Variants in MEI1 observed in about 807,000 individuals in gnomAD.
MEI1 encodes the protein meiosis inhibitor protein 1.
MEI1 carries 103 observed loss-of-function variants against 146.2 expected under a neutral mutation model. The observed-to-expected ratio is 0.70, with a 90% CI of 0.60 to 0.83. The LOEUF is 0.83. Among genes scored for constraint, MEI1 ranks in the 40% least tolerant of loss-of-function variants. The pLI, the probability that MEI1 is intolerant of heterozygous loss-of-function variation, is 0.00. For synonymous variants in MEI1, 652 were observed against 628.2 expected, an observed-to-expected ratio of 1.04 and a Z score of -0.57; for missense variants, 1,529 against 1,533.0, an observed-to-expected ratio of 1.00 and a Z score of 0.04.
rs867295491 is a variant in MEI1, at chr22:41,766,121, C to T, written c.2268+2800C>T. 4.6e-5 allele frequency among the ~76,000 whole-genome samples: 7 copies of T among 151,418 alleles called. No individual in the cohort carries two copies. In the East Asian group the frequency reaches 5.8e-4, roughly 13 times the overall value. ...TTAGCCAGGATGGTCTTGATCTGCC[C>T]GCCTCGGCCTCCCAAAGTGCTGGGA... On this transcript the variant is annotated intron_variant, in intron 19 of 30. Transcript: ENST00000401548.
chr22:41,784,296 T>C, intron 24 of MEI1, 43 bp from the exon 25 acceptor site: 1 of 1,573,962 alleles, frequency 6.4e-7, no homozygotes, highest in East Asian at 2.2e-5. Context: ...CTGCCCAGGC[T>C]TCCAGAACAT....
At chr22:41,790,883 CT>C (rs1309188865) in intron 26 of MEI1, among the ~76,000 whole-genome samples, 2 of 152,184 alleles carry the variant, frequency 1.3e-5, no homozygotes, top group Non-Finnish European at 2.9e-5. Context: ...GCCACCACAC[CT>C]GGTCTGAAAA....
At position 41,795,520 on chromosome 22, in the gene MEI1, C is replaced by G. The variant is rs2076329268; in HGVS notation, c.3644C>G (p.Ala1215Gly). Residue 1215 changes from alanine to glycine, a missense_variant, in exon 29 of 31, where the codon GCC becomes GGC. Transcript: ENST00000401548. The surrounding 1 kb of genome is among the most constrained non-coding windows in gnomAD (Gnocchi z 4.2). ...ACCCTCTCGAACACCACACTCCAGG[C>G]CCTGCATGGCTTCTTCCAGCAGGTG... ...LSTLSNTTLQ[A>G]LHGFFQQLQS... is the part of the protein sequence containing the mutation. 1 of 1,613,618 alleles carries G rather than the reference C, an allele frequency of 6.2e-7. No individual in the cohort carries two copies. Among genetic ancestry groups the G allele is most frequent in the South Asian group, 1.1e-5 (1 of 91,076 alleles).
intron 2 of MEI1, among the ~76,000 whole-genome samples, chr22:41,703,691 TG>T (rs1200317317): frequency 7.2e-5 from 11 of 151,954 alleles, no homozygotes; most frequent in Admixed American, 2.6e-4. Flanking sequence ...AAGATGAAAA[TG>T]GGAAATGTTG....
At chr22:41,741,909 ACCCCAGCCTGGTGAC>A (rs2072901940) in intron 11 of MEI1, among the ~76,000 whole-genome samples, 1 of 143,092 alleles carries the variant, frequency 7.0e-6, no homozygotes, top group African/African-American at 2.7e-5. Context: ...GCGCCACTGT[ACCCCAGCCTGGTGAC>A]AGAGCGAGAC....
intron 26 of MEI1, among the ~76,000 whole-genome samples, chr22:41,785,973 C>G (rs1162398252): frequency 1.4e-5 from 2 of 138,764 alleles, no homozygotes; most frequent in African/African-American, 5.4e-5. Flanking sequence ...TGCAGTGGCG[C>G]GATCTCGGCT....
In MEI1 at chr22:41,718,609, C is replaced by G. The variant is rs143329607; in HGVS notation, c.733+335C>G. ...TCACTTTCTTAAGTCAGAAATTCTTCCATGGTTCCCTCTGGCCTCCAGGGT... is the reference window on the plus strand; with the variant it reads ...TCACTTTCTTAAGTCAGAAATTCTTGCATGGTTCCCTCTGGCCTCCAGGGT... On this transcript the variant is annotated intron_variant, in intron 6 of 30. Coordinates refer to ENST00000401548, the MANE Select transcript of MEI1 (RefSeq NM_152513.4). Among the ~76,000 whole-genome samples the G allele has an allele frequency of 1.1e-3, 171 of 152,290 alleles. 1 individual carries two copies. Among genetic ancestry groups the G allele is most frequent in the African/African-American group, 4.1e-3 (169 of 41,550 alleles).
intron 20 of MEI1, among the ~76,000 whole-genome samples, chr22:41,772,738 C>T (rs1031946246): frequency 5.9e-5 from 9 of 152,162 alleles, no homozygotes; most frequent in Non-Finnish European, 1.3e-4. Context: ...GTTGTTCTGT[C>T]TGAGGCTCTC....
At chr22:41,743,315 C>T in intron 12 of MEI1, 121 bp downstream of exon 12, 2 of 628,954 alleles carry the variant, frequency 3.2e-6, no homozygotes, top group Non-Finnish European at 5.7e-6. Flanking sequence ...GCACACATGG[C>T]TACAATGAGA....
At chr22:41,793,101 A>G (rs2076242916) in intron 26 of MEI1, among the ~76,000 whole-genome samples, 1 of 124,134 alleles carries the variant, frequency 8.1e-6, no homozygotes. Flanking sequence ...GCTGGAGTGC[A>G]GTGGCATGAT....
rs1243243017 is a variant in MEI1, at chr22:41,716,072, T to A, written c.455T>A (p.Leu152Gln). 4 of 1,611,834 alleles carry A rather than the reference T, an allele frequency of 2.5e-6. No homozygotes were observed. The highest frequency in any genetic ancestry group is 3.4e-6 in the Non-Finnish European group (4 of 1,179,038). Residue 152 changes from leucine (L) to glutamine (Q), a missense_variant, in exon 5 of 31, where the codon CTG (leucine) becomes CAG (glutamine). By Grantham distance (113) the Leu-to-Gln change is moderately radical. Around this residue, in one of 3 missense-constraint regions of MEI1, gnomAD observed 1,212 missense variants for 1,178.9 expected, o/e 1.03. Coordinates refer to ENST00000401548, the MANE Select transcript of MEI1 (RefSeq NM_152513.4). ...AACATGCCCTCCATGCGAGGCAGCC[T>A]GGCCACCCTGACCCTTCTTGGCAAG... is the stretch of plus-strand genomic sequence containing the variant. Reference protein sequence around the residue: ...LCNMPSMRGSLATLTLLGKLV... With the variant: ...LCNMPSMRGSQATLTLLGKLV...
chr22:41,705,654 C>T, intron 3 of MEI1, 100 bp downstream of exon 3: 1 of 947,154 alleles, frequency 1.1e-6, no homozygotes, highest in Non-Finnish European at 1.7e-6. Context: ...TGTTTAGACA[C>T]AGATAAGAGG....
chr22:41,782,399 G>T (rs1293530977), intron 24 of MEI1, among the ~76,000 whole-genome samples: 1 of 152,196 alleles, frequency 6.6e-6, no homozygotes, highest in African/African-American at 2.4e-5. Context: ...ATGGTTAACT[G>T]TCATTATTAC....
At chr22:41,770,498 G>A (rs2148043902) in intron 19 of MEI1, among the ~76,000 whole-genome samples, 188 bp from the exon 20 acceptor site, 1 of 152,108 alleles carries the variant, frequency 6.6e-6, no homozygotes, top group East Asian at 1.9e-4. Flanking sequence ...ATCACCCCTA[G>A]TTGATAACTT....
chr22:41,795,500 C>T lies in MEI1; in HGVS notation c.3624C>T (p.Leu1208=), dbSNP rs772943750. 6.3e-5 allele frequency: 101 copies of T among 1,613,142 alleles called. No individual in the cohort carries two copies. The highest frequency in any genetic ancestry group is 7.8e-5 in the Non-Finnish European group (92 of 1,179,706). The stretch of plus-strand genomic sequence containing the variant: ...TGGCTTTGGCTGACCTGTCTACCCT[C>T]TCGAACACCACACTCCAGGCCCTGC... The part of the protein sequence containing the change: ...QGVALADLST[L]SNTTLQALHG... The change falls in exon 29 of 31, where the codon CTC becomes CTT. Residue 1208 remains leucine, a synonymous_variant. Coordinates refer to ENST00000401548, the MANE Select transcript of MEI1 (RefSeq NM_152513.4). The surrounding 1 kb of genome is among the most constrained non-coding windows in gnomAD (Gnocchi z 4.2).
chr22:41,737,376 A>G (rs1360149431), intron 11 of MEI1, among the ~76,000 whole-genome samples: 2 of 151,794 alleles, frequency 1.3e-5, no homozygotes, highest in East Asian at 3.9e-4. Flanking sequence ...AGCTGGGACT[A>G]CAGGCGCCCA....
intron 15 of MEI1, among the ~76,000 whole-genome samples, chr22:41,752,283 A>G (rs1337739402): frequency 2.6e-5 from 4 of 152,178 alleles, no homozygotes; most frequent in Admixed American, 2.0e-4. Context: ...GTAGTGGAGG[A>G]TCATTCAGAA....
At chr22:41,735,069 C>G (rs543783135) in intron 11 of MEI1, among the ~76,000 whole-genome samples, 1 of 151,954 alleles carries the variant, frequency 6.6e-6, no homozygotes, top group Admixed American at 6.6e-5. Flanking sequence ...TCACGCCATT[C>G]TCCTGCCTCA....
At chr22:41,760,265 G>A (rs5751151) in intron 18 of MEI1, among the ~76,000 whole-genome samples, 95,866 of 150,262 alleles carry the variant, frequency 0.64, 33,601 homozygotes, top group East Asian at 0.91. Flanking sequence ...AGCTGAGATC[G>A]CGCCACTGCA....
Sources: allele counts gnomAD v4.1 joint callset (sites outside exome capture counted in the v4.1 genomes callset), GRCh38; gene constraint gnomAD v4.1.1; regional missense constraint gnomAD v4.1.1; non-coding constraint Gnocchi (gnomAD v3.1); transcripts MANE v1.5; gene names NCBI Gene and HGNC (gene_info 2026-07-23, HGNC 2026-07-21).